Variants in WWOX observed in about 807,000 individuals in gnomAD.
WWOX encodes WW domain-containing oxidoreductase.
In WWOX, 69 loss-of-function variants were observed where a neutral mutation model predicts 46.2. The observed-to-expected ratio is 1.49, with a 90% confidence interval of 1.23 to 1.82. The LOEUF (loss-of-function observed/expected upper bound fraction) is 1.82. Ranked by LOEUF, WWOX falls within the 40% of genes most tolerant of loss-of-function variation. WWOX has a pLI of 0.00. For synonymous variants in WWOX, 359 were observed against 202.6 expected (o/e 1.77, Z -6.56); for missense variants, 919 against 542.6 (o/e 1.69, Z -6.89).
At chr16:78,627,407 C>T (rs1215286678) in intron 8 of WWOX, among the ~76,000 whole-genome samples, 2 of 152,158 alleles carry the variant, frequency 1.3e-5, no homozygotes, top group African/African-American at 4.8e-5. Context: ...TGTGTCCTCT[C>T]TATACCATAG....
intron 8 of WWOX, among the ~76,000 whole-genome samples, chr16:78,817,199 T>TTTTTTTTTTTTTTTTTC (rs1567580621): frequency 6.9e-6 from 1 of 144,602 alleles, no homozygotes. Context: ...TTTTTTTTTT[T>TTTTTTTTTTTTTTTTTC]CCTTCTTCAA....
At chr16:79,101,571 A>G (rs540084487) in intron 8 of WWOX, 2 of 152,114 alleles carry the variant, frequency 1.3e-5, no homozygotes, top group Non-Finnish European at 2.9e-5. Context: ...CTTCTTATCT[A>G]GCATCCCTGG....
chr16:79,042,809 A>G (rs2202423), intron 8 of WWOX, among the ~76,000 whole-genome samples: 28,603 of 151,146 alleles, frequency 0.19, 2,780 homozygotes, highest in East Asian at 0.25. Context: ...CTGTTGAACC[A>G]TGCAAGTACC....
At chr16:79,117,474 A>T (rs2049539774) in intron 8 of WWOX, among the ~76,000 whole-genome samples, 3 of 152,140 alleles carry the variant, frequency 2.0e-5, no homozygotes, top group Admixed American at 2.0e-4. Context: ...ATTCTTAAGG[A>T]CCCTAGGATT....
At chr16:79,155,158 A>G (rs929455531) in intron 8 of WWOX, among the ~76,000 whole-genome samples, 2 of 152,344 alleles carry the variant, frequency 1.3e-5, no homozygotes, top group East Asian at 1.9e-4. Flanking sequence ...CAGGCAGATC[A>G]TGAAGTCAAG....
At chr16:78,965,459 A>G (rs1014359632) in intron 8 of WWOX, among the ~76,000 whole-genome samples, 3 of 151,966 alleles carry the variant, frequency 2.0e-5, no homozygotes, top group Non-Finnish European at 4.4e-5. Flanking sequence ...AATCCCAGCT[A>G]CTTGGGAGGC....
intron 4 of WWOX, among the ~76,000 whole-genome samples, chr16:78,131,870 C>T (rs1361467852): frequency 6.6e-6 from 1 of 151,778 alleles, no homozygotes; most frequent in African/African-American, 2.4e-5. Flanking sequence ...AGGCGTGAGC[C>T]ACCGCGCCTG....
chr16:78,971,678 G>C (rs996057482), intron 8 of WWOX, among the ~76,000 whole-genome samples: 1 of 151,910 alleles, frequency 6.6e-6, no homozygotes. Context: ...TTTTTTTCAA[G>C]TTAAAGCATT....
chr16:78,830,067 G>T (rs986898674), intron 8 of WWOX, among the ~76,000 whole-genome samples: 1 of 151,824 alleles, frequency 6.6e-6, no homozygotes, highest in South Asian at 2.1e-4. Flanking sequence ...AGACCAGCCT[G>T]GGTAACATAG....
chr16:78,794,764 C>A (rs769092338), intron 8 of WWOX, among the ~76,000 whole-genome samples: 6 of 152,142 alleles, frequency 3.9e-5, no homozygotes, highest in Non-Finnish European at 5.9e-5. Context: ...AGATGGAGAC[C>A]CATGTGTTCA....
chr16:78,448,961 T>A (rs1377375306), intron 8 of WWOX, among the ~76,000 whole-genome samples: 1 of 152,200 alleles, frequency 6.6e-6, no homozygotes, highest in Non-Finnish European at 1.5e-5. Context: ...TCTCAGCTGG[T>A]CTGGTTACAG....
chr16:78,705,916 G>C (rs1427959423), intron 8 of WWOX, among the ~76,000 whole-genome samples: 5 of 152,162 alleles, frequency 3.3e-5, no homozygotes, highest in Non-Finnish European at 7.3e-5. Context: ...ATAAGCATCT[G>C]TTTATTTACA....
Position 78,261,230 on chromosome 16 carries a change from G to A in WWOX, c.516+96941G>A, listed in dbSNP as rs1039866110. ...ATGTGTGTTCATTCTAGTCCTGCAC[G>A]TGTAGAAATGTAAGATTTTAATGTG... On this transcript the variant is annotated intron_variant, in intron 5 of 8. Coordinates refer to ENST00000566780, the MANE Select transcript of WWOX (RefSeq NM_016373.4). Among the ~76,000 whole-genome samples, 5 of 150,478 alleles carry A rather than the reference G, an allele frequency of 3.3e-5. 1 individual carries two copies. Among genetic ancestry groups the A allele is most frequent in the South Asian group, 2.1e-4 (1 of 4,814 alleles).
intron 8 of WWOX, among the ~76,000 whole-genome samples, chr16:78,861,363 A>AATATTTTG (rs1441284948): frequency 6.0e-4 from 92 of 152,284 alleles, no homozygotes; most frequent in Non-Finnish European, 1.1e-3. Context: ...TTTTGGCTCC[A>AATATTTTG]GCTTATTATT....
intron 8 of WWOX, among the ~76,000 whole-genome samples, chr16:79,189,586 C>T (rs2051090759): frequency 6.6e-6 from 1 of 151,992 alleles, no homozygotes; most frequent in African/African-American, 2.4e-5. Flanking sequence ...CCTGCATGAG[C>T]CACTGTGCCC....
intron 8 of WWOX, chr16:78,899,606 A>G (rs374208725): frequency 6.6e-6 from 1 of 152,202 alleles, no homozygotes; most frequent in Non-Finnish European, 1.5e-5. Flanking sequence ...CATTGGCCAC[A>G]TCCGCCATTG....
chr16:78,564,826 C>T (rs915842979), intron 8 of WWOX, among the ~76,000 whole-genome samples: 11 of 152,028 alleles, frequency 7.2e-5, no homozygotes, highest in African/African-American at 2.7e-4. Context: ...TACGGATCAT[C>T]AGTTTTATTT....
chr16:78,958,855 G>C (rs1041247787), intron 8 of WWOX, among the ~76,000 whole-genome samples: 5 of 152,126 alleles, frequency 3.3e-5, no homozygotes, highest in Non-Finnish European at 5.9e-5. Context: ...TTCTTCCTTT[G>C]ATTCAAAAGA....
At position 78,106,574 on chromosome 16, in the gene WWOX, G is replaced by A. The variant is rs566504831; in HGVS notation, c.108-1849G>A. 2.6e-3 allele frequency among the ~76,000 whole-genome samples: 390 copies of A among 151,940 alleles called. 3 individuals are homozygous for A. Among genetic ancestry groups the A allele is most frequent in the African/African-American group, 8.4e-3 (348 of 41,438 alleles). ...TGGGATTACAGGCATGTGCCACCAC[G>A]CCAGGCTAATTTTGTATTTTTAGTA... On this transcript the variant is annotated intron_variant, in intron 1 of 8. Transcript: ENST00000566780.
Sources: gnomAD v4.1 joint callset for allele counts (sites outside exome capture counted in the v4.1 genomes callset) on GRCh38, gnomAD v4.1.1 for gene constraint, MANE v1.5 for transcripts, NCBI Gene and HGNC (gene_info 2026-07-23, HGNC 2026-07-21) for gene names.